Variants in PPP1R9A observed in about 807,000 individuals in gnomAD.
PPP1R9A encodes neurabin-1.
A neutral mutation model predicts 141.9 loss-of-function variants in PPP1R9A; 59 were observed. The observed-to-expected ratio is 0.42, with a 90% CI of 0.34 to 0.52. The LOEUF (loss-of-function observed/expected upper bound fraction) is 0.52. Ranked by LOEUF, PPP1R9A falls within the 20% of genes least tolerant of loss-of-function variation. The pLI is 0.10. For synonymous variants in PPP1R9A, 500 were observed against 569.7 expected (o/e 0.88, Z 1.74); for missense variants, 1,444 against 1,611.9 (o/e 0.90, Z 1.78).
chr7:95,222,734 T>G (rs1269202841), intron 7 of PPP1R9A, among the ~76,000 whole-genome samples: 1 of 151,964 alleles, frequency 6.6e-6, no homozygotes, highest in East Asian at 1.9e-4. Context: ...TTATAGTAAT[T>G]TTGGGTTTTG....
At chr7:94,930,112 A>G (rs534309772) in intron 2 of PPP1R9A, among the ~76,000 whole-genome samples, 27 of 152,292 alleles carry the variant, frequency 1.8e-4, no homozygotes, top group South Asian at 8.3e-4. Flanking sequence ...TAGGGGCCTT[A>G]GAGCCAAGGC....
intron 12 of PPP1R9A, among the ~76,000 whole-genome samples, chr7:95,264,021 A>G (rs10280999): frequency 0.012 from 1,760 of 152,250 alleles, 31 homozygotes; most frequent in African/African-American, 0.041. Context: ...AAATTGCCCA[A>G]TTTAATGGGA....
chr7:95,163,520 G>T (rs1409218862), intron 5 of PPP1R9A, among the ~76,000 whole-genome samples: 2 of 152,070 alleles, frequency 1.3e-5, no homozygotes, highest in African/African-American at 4.8e-5. Context: ...GATTGTTTTG[G>T]CATATTAAAA....
chr7:95,032,161 G>A (rs574902447), intron 2 of PPP1R9A, among the ~76,000 whole-genome samples: 2 of 152,226 alleles, frequency 1.3e-5, no homozygotes, highest in South Asian at 2.1e-4. Flanking sequence ...TGTCATGCTG[G>A]TGGATGTCAA....
chr7:95,152,196 C>T (rs978655541), intron 4 of PPP1R9A, among the ~76,000 whole-genome samples: 4 of 151,968 alleles, frequency 2.6e-5, no homozygotes, highest in Non-Finnish European at 4.4e-5. Context: ...GTGATCCACC[C>T]GCCTTGGCTT....
In PPP1R9A at chr7:95,227,632, A is replaced by G. The variant is rs148195438; in HGVS notation, c.2112+1516A>G. 4.2e-3 allele frequency among the ~76,000 whole-genome samples: 643 copies of G among 152,288 alleles called. 3 individuals carry two copies. Among genetic ancestry groups the G allele is most frequent in the African/African-American group, 0.015 (605 of 41,570 alleles). ...ACAACAGCAAAGTTGAGTAGTTGCAATAGAGACTGTATGGCCTGCAAATCC... is the reference window on the plus strand; with the variant it reads ...ACAACAGCAAAGTTGAGTAGTTGCAGTAGAGACTGTATGGCCTGCAAATCC... On this transcript the variant is annotated intron_variant, in intron 8 of 19. Coordinates refer to ENST00000433360, the MANE Select transcript of PPP1R9A (RefSeq NM_001166160.2).
intron 12 of PPP1R9A, among the ~76,000 whole-genome samples, chr7:95,257,344 A>G (rs182420853): frequency 6.6e-6 from 1 of 152,280 alleles, no homozygotes; most frequent in East Asian, 1.9e-4. Context: ...TTCTGTGGGT[A>G]AAGGATGGAC....
intron 2 of PPP1R9A, among the ~76,000 whole-genome samples, chr7:95,037,721 G>C (rs151293063): frequency 2.0e-5 from 3 of 152,206 alleles, no homozygotes; most frequent in Non-Finnish European, 4.4e-5. Context: ...GTGTGTGTGC[G>C]TGCACACACG....
At chr7:95,049,537 A>G (rs924402156) in intron 2 of PPP1R9A, among the ~76,000 whole-genome samples, 1 of 152,142 alleles carries the variant, frequency 6.6e-6, no homozygotes, top group African/African-American at 2.4e-5. Context: ...TTGACACATC[A>G]TTATCACCTA....
chr7:94,961,325 C>G (rs1797620653), intron 2 of PPP1R9A, among the ~76,000 whole-genome samples: 1 of 151,446 alleles, frequency 6.6e-6, no homozygotes, highest in African/African-American at 2.4e-5. Flanking sequence ...TTTTCAAAAT[C>G]ATATCATGAA....
At chr7:95,241,387 A>G (rs368146593) in intron 8 of PPP1R9A, among the ~76,000 whole-genome samples, 25 of 152,316 alleles carry the variant, frequency 1.6e-4, no homozygotes, top group African/African-American at 6.0e-4. Flanking sequence ...ATCTCAAGCC[A>G]TCAGTGAGGG....
intron 5 of PPP1R9A, among the ~76,000 whole-genome samples, chr7:95,166,905 A>G (rs1225073730): frequency 6.6e-6 from 1 of 152,230 alleles, no homozygotes; most frequent in Non-Finnish European, 1.5e-5. Flanking sequence ...AGAATGAAGG[A>G]CAAAAACCAT....
intron 5 of PPP1R9A, among the ~76,000 whole-genome samples, chr7:95,183,595 C>T (rs1308526976): frequency 2.0e-5 from 3 of 151,310 alleles, no homozygotes; most frequent in African/African-American, 4.9e-5. Flanking sequence ...GGACTATAGG[C>T]GCCCACCACC....
intron 5 of PPP1R9A, among the ~76,000 whole-genome samples, chr7:95,169,846 G>A (rs1247978257): frequency 6.6e-6 from 1 of 151,776 alleles, no homozygotes; most frequent in Non-Finnish European, 1.5e-5. Flanking sequence ...TATCTGGCAT[G>A]CAGTCAACAA....
At chr7:94,942,024 C>T (rs752110179) in intron 2 of PPP1R9A, among the ~76,000 whole-genome samples, 1 of 151,632 alleles carries the variant, frequency 6.6e-6, no homozygotes, top group Non-Finnish European at 1.5e-5. Flanking sequence ...ATGAAGGGCC[C>T]GGTTTTGTGT....
chr7:94,955,026 T>C (rs1229593364), intron 2 of PPP1R9A, among the ~76,000 whole-genome samples: 1 of 152,024 alleles, frequency 6.6e-6, no homozygotes, highest in African/African-American at 2.4e-5. Flanking sequence ...TAAAAAAACT[T>C]TCTGAATCAG....
intron 2 of PPP1R9A, among the ~76,000 whole-genome samples, chr7:95,089,757 T>A (rs1047107697): frequency 6.6e-6 from 1 of 151,920 alleles, no homozygotes; most frequent in African/African-American, 2.4e-5. Flanking sequence ...CTTATAATAT[T>A]ACTGAGTTTT....
At chr7:95,010,062 G>A (rs2151610853) in intron 2 of PPP1R9A, among the ~76,000 whole-genome samples, 1 of 152,240 alleles carries the variant, frequency 6.6e-6, no homozygotes, top group Non-Finnish European at 1.5e-5. Flanking sequence ...CACAGTTCCA[G>A]AAATGTTAAT....
chr7:95,052,210 G>A (rs892213017), intron 2 of PPP1R9A, among the ~76,000 whole-genome samples: 2 of 152,168 alleles, frequency 1.3e-5, no homozygotes, highest in Non-Finnish European at 2.9e-5. Context: ...TGGGCTTAAT[G>A]TCAGGGAGAC....
Sources: allele counts gnomAD v4.1 joint callset (sites outside exome capture counted in the v4.1 genomes callset), GRCh38; gene constraint gnomAD v4.1.1; transcripts MANE v1.5; gene names NCBI Gene and HGNC (gene_info 2026-07-23, HGNC 2026-07-21).